The following RC3H1 variants were observed in gnomAD, a reference collection of about 807,000 sequenced individuals.
RC3H1 encodes the protein ring finger and CCCH-type domains 1, also known as roquin-1.
RC3H1 carries 50 observed loss-of-function variants against 138.2 expected under a neutral mutation model. The ratio of observed to expected loss-of-function variants is 0.36; its 90% CI spans 0.29 to 0.46. RC3H1 has a LOEUF of 0.46. Ranked by LOEUF, RC3H1 falls within the 20% of genes least tolerant of loss-of-function variation. The pLI is 1.00. For synonymous variants in RC3H1, 462 were observed against 489.1 expected (o/e 0.94, Z 0.73); for missense variants, 1,031 against 1,388.1 (o/e 0.74, Z 4.09).
chr1:174,017,208 A>G (rs1661876312), intron 1 of RC3H1, among the ~76,000 whole-genome samples: 1 of 152,236 alleles, frequency 6.6e-6, no homozygotes, highest in Non-Finnish European at 1.5e-5. Flanking sequence ...AAGGCAAACA[A>G]GTTCTAGATA....
rs1405144967 is a variant in RC3H1 at position 173,932,244 on chromosome 1, CAAAAT to C, written c.*6472_*6476del. 6.7e-6 allele frequency: 1 copy of C among 149,468 alleles called. No individual in the cohort carries two copies. Among genetic ancestry groups the C allele is most frequent in the African/African-American group, 2.5e-5 (1 of 40,642 alleles). The allele number at this position is 149,468 out of a possible 1,614,324, so 9.3% of individuals were successfully genotyped here. A position where few individuals can be genotyped will look rare whatever the true frequency, so the allele number is the denominator to read the frequency against. ...TAAAAAGTTATTTTTTTAAAAAAAACAAAATAAAACAAAATAAAATCCACCCAAAA... is the reference window on the plus strand; with the variant it reads ...TAAAAAGTTATTTTTTTAAAAAAAACAAAACAAAATAAAATCCACCCAAAA... On this transcript the variant is annotated 3_prime_UTR_variant, in exon 20 of 20. Transcript: ENST00000367696.
At chr1:173,988,643 T>C (rs547926055) in intron 2 of RC3H1, among the ~76,000 whole-genome samples, 1 of 152,374 alleles carries the variant, frequency 6.6e-6, no homozygotes, top group South Asian at 2.1e-4. Flanking sequence ...TCTTCCAAAG[T>C]AGCTATACCA....
intron 1 of RC3H1, among the ~76,000 whole-genome samples, chr1:174,010,835 A>G (rs1557953417): frequency 6.6e-6 from 1 of 152,206 alleles, no homozygotes; most frequent in Non-Finnish European, 1.5e-5. Context: ...ACTTGAACAG[A>G]AAAGGATATT....
intron 9 of RC3H1, among the ~76,000 whole-genome samples, chr1:173,965,460 G>A (rs1440117411): frequency 2.6e-5 from 4 of 152,178 alleles, no homozygotes; most frequent in African/African-American, 4.8e-5. Flanking sequence ...GTGTGGTGGC[G>A]TGTGCCTGTG....
intron 9 of RC3H1, 43 bp downstream of exon 9, chr1:173,970,462 C>T: frequency 7.9e-7 from 1 of 1,267,046 alleles, no homozygotes; most frequent in Non-Finnish European, 1.2e-6. Context: ...GCGAATTATT[C>T]CACTTACACC....
Position 173,982,739 on chromosome 1 carries a change from G to A in RC3H1, c.756C>T (p.Ala252=). The change falls in exon 5 of 20, where the codon GCC becomes GCT. Residue 252 remains alanine, a synonymous_variant. Transcript: ENST00000367696. The part of the protein sequence containing the change: ...IGHVVQLLYR[A]SCFKVTKRDE... ...TGTAGGTTCATACCTTGAAACAGGA[G>A]GCTCTATAAAGGAGCTGAACAACAT... 1.2e-6 allele frequency: 2 copies of A among 1,605,376 alleles called. No homozygotes were observed. The highest frequency in any genetic ancestry group is 1.7e-6 in the Non-Finnish European group (2 of 1,176,358).
chr1:173,977,905 G>A (rs966485469), intron 7 of RC3H1, among the ~76,000 whole-genome samples: 1 of 152,196 alleles, frequency 6.6e-6, no homozygotes, highest in African/African-American at 2.4e-5. Context: ...TTTGGAATCA[G>A]AGACTGGGAA....
intron 13 of RC3H1, among the ~76,000 whole-genome samples, chr1:173,959,607 C>G (rs1571190497): frequency 6.6e-6 from 1 of 151,832 alleles, no homozygotes; most frequent in Admixed American, 6.6e-5. Flanking sequence ...CCCGTCTCTA[C>G]TAAAATACAA....
At chr1:173,956,418 G>A (rs972211965) in intron 13 of RC3H1, among the ~76,000 whole-genome samples, 1 of 152,018 alleles carries the variant, frequency 6.6e-6, no homozygotes, top group Non-Finnish European at 1.5e-5. Flanking sequence ...ATATCACTTT[G>A]GGAGGCCAAG....
At chr1:174,020,413 T>C (rs1661935977) in intron 1 of RC3H1, among the ~76,000 whole-genome samples, 1 of 152,216 alleles carries the variant, frequency 6.6e-6, no homozygotes, top group Admixed American at 6.5e-5. Context: ...AACTAAGAAC[T>C]AGACTAGTGC....
intron 5 of RC3H1, among the ~76,000 whole-genome samples, chr1:173,982,285 A>G (rs1660856271): frequency 6.6e-6 from 1 of 152,122 alleles, no homozygotes; most frequent in African/African-American, 2.4e-5. Flanking sequence ...AGGCTGAGAC[A>G]GGAGAATCGC....
At chr1:173,973,534 C>CA (rs558441818) in intron 7 of RC3H1, among the ~76,000 whole-genome samples, 24,558 of 89,600 alleles carry the variant, frequency 0.27, 3,847 homozygotes, top group African/African-American at 0.51. Context: ...AACTCCATCT[C>CA]AAAAAAAAAA....
intron 13 of RC3H1, 178 bp downstream of exon 13, chr1:173,960,899 A>G (rs937369847): frequency 3.5e-6 from 2 of 572,930 alleles, no homozygotes; most frequent in South Asian, 2.6e-5. Context: ...CTCCTAATGC[A>G]TTACATTACA....
chr1:173,994,431 T>C (rs1284173259), intron 1 of RC3H1, among the ~76,000 whole-genome samples: 2 of 152,088 alleles, frequency 1.3e-5, no homozygotes, highest in Non-Finnish European at 2.9e-5. Context: ...AACATAAGAA[T>C]ATTTTAAAAG....
chr1:173,936,323 G>C lies in RC3H1; in HGVS notation c.*2398C>G, dbSNP rs1658576987. 1.3e-5 allele frequency: 2 copies of C among 151,912 alleles called. No homozygotes were observed. The highest frequency in any genetic ancestry group is 2.1e-4 in the South Asian group (1 of 4,824). The allele number at this position is 151,912 out of a possible 1,614,324, so 9.4% of individuals were successfully genotyped here. A position where few individuals can be genotyped will look rare whatever the true frequency, so the allele number is the denominator to read the frequency against. ...ATGATCTGACATACCCAAAGGAGAA[G>C]ATCAGTCCAAATCTGCTTATAAGAA... is the stretch of plus-strand genomic sequence containing the variant. On this transcript the variant is annotated 3_prime_UTR_variant, in exon 20 of 20. Coordinates refer to ENST00000367696, the MANE Select transcript of RC3H1 (RefSeq NM_172071.4).
At chr1:173,987,921 T>C (rs1661096976) in intron 2 of RC3H1, among the ~76,000 whole-genome samples, 1 of 152,194 alleles carries the variant, frequency 6.6e-6, no homozygotes, top group African/African-American at 2.4e-5. Context: ...TCATTTCCCA[T>C]TCACTTACTT....
At position 173,981,126 on chromosome 1, in the gene RC3H1, C is replaced by A; in HGVS notation, c.769-117G>T. ...TCAACAGCAAGATTAAATGAATATA[C>A]CATTTGCCTGCAAAATATTTTCTCC... On this transcript the variant is annotated intron_variant, in intron 5 of 19. Coordinates refer to ENST00000367696, the MANE Select transcript of RC3H1 (RefSeq NM_172071.4). The A allele has an allele frequency of 8.8e-6, 7 of 796,490 alleles. 1 individual carries two copies. The South Asian group carries it at 1.1e-4, about 13-fold the overall frequency. The allele number at this position is 796,490 out of a possible 1,614,324, so 49.3% of individuals were successfully genotyped here.
chr1:173,996,644 T>C (rs1661466645), intron 1 of RC3H1, among the ~76,000 whole-genome samples: 1 of 152,172 alleles, frequency 6.6e-6, no homozygotes, highest in South Asian at 2.1e-4. Flanking sequence ...TGGGAGAAGC[T>C]ATAGCTTCAC....
chr1:173,952,377 T>G (rs546867716), intron 13 of RC3H1, among the ~76,000 whole-genome samples: 5 of 90,688 alleles, frequency 5.5e-5, no homozygotes, highest in East Asian at 6.5e-4. Context: ...TTTTTTTTGT[T>G]TTTTTTTTTT....
Sources: gnomAD v4.1 joint callset for allele counts (sites outside exome capture counted in the v4.1 genomes callset) on GRCh38, gnomAD v4.1.1 for gene constraint, MANE v1.5 for transcripts, NCBI Gene and HGNC (gene_info 2026-07-23, HGNC 2026-07-21) for gene names.